Variants in TANC1 observed in about 807,000 individuals in gnomAD.
TANC1 encodes protein TANC1.
In TANC1, 77 loss-of-function variants were observed where a neutral mutation model predicts 149.7. That is an observed-to-expected ratio of 0.51 (90% CI 0.43 to 0.62). TANC1 has a LOEUF of 0.62. Among genes scored for constraint, TANC1 ranks in the 20% least tolerant of loss-of-function variants. The pLI is 0.00. For synonymous variants in TANC1, 854 were observed against 925.0 expected, an observed-to-expected ratio of 0.92 and a Z score of 1.39; for missense variants, 1,985 against 2,321.8, an observed-to-expected ratio of 0.85 and a Z score of 2.98.
intron 3 of TANC1, among the ~76,000 whole-genome samples, chr2:159,089,698 A>G (rs2045326436): frequency 6.6e-6 from 1 of 152,222 alleles, no homozygotes; most frequent in South Asian, 2.1e-4. Flanking sequence ...GAAGAGAAAC[A>G]GAAGGGTGGG....
At chr2:159,058,207 C>T (rs137920597) in intron 2 of TANC1, among the ~76,000 whole-genome samples, 26 of 152,336 alleles carry the variant, frequency 1.7e-4, no homozygotes, top group African/African-American at 6.0e-4. Flanking sequence ...GCACTTATCC[C>T]TTCTGTGTGC....
chr2:159,118,980 C>A (rs1462164622), intron 4 of TANC1, among the ~76,000 whole-genome samples: 2 of 152,176 alleles, frequency 1.3e-5, no homozygotes, highest in African/African-American at 4.8e-5. Flanking sequence ...TCTGTAGTTA[C>A]TTTGTTTGAC....
Position 159,230,414 on chromosome 2 carries a change from C to T in TANC1, c.4988C>T (p.Ser1663Leu), listed in dbSNP as rs1377324219. The T allele has an allele frequency of 2.5e-6, 4 of 1,614,188 alleles. No homozygotes were observed. Among genetic ancestry groups the T allele is most frequent in the Non-Finnish European group, 3.4e-6 (4 of 1,180,040 alleles). The change falls in exon 27 of 27, where the codon TCA becomes TTA. Residue 1663 changes from serine (S) to leucine (L), a missense_variant. By Grantham distance (145) the Ser-to-Leu change is moderately radical (BLOSUM62 -2). Around this residue, in one of 3 missense-constraint regions of TANC1, gnomAD observed 920 missense variants for 994.7 expected, o/e 0.92. Transcript: ENST00000263635. This position sits in a 1 kb window ranked among gnomAD's most constrained non-coding sequence, Gnocchi z 4.4. ...CGACACCCAGCTTCCCTCACCAGCT[C>T]AGGCTCTTCTGGTTCTCCATCCAGC... ...DVRHPASLTS[S>L]GSSGSPSSSI...
chr2:159,059,922 GT>G, intron 2 of TANC1, among the ~76,000 whole-genome samples: 1 of 127,306 alleles, frequency 7.9e-6, no homozygotes. Context: ...GTGTGTGTGT[GT>G]GTGTGTGGTT....
chr2:159,022,670 G>A (rs995475195), intron 2 of TANC1, among the ~76,000 whole-genome samples: 3 of 152,136 alleles, frequency 2.0e-5, no homozygotes, highest in Admixed American at 1.3e-4. Context: ...CCCAGGAGGT[G>A]AAGGTTGCAG....
chr2:159,120,653 G>A (rs893411276), intron 4 of TANC1, among the ~76,000 whole-genome samples: 3 of 151,958 alleles, frequency 2.0e-5, no homozygotes, highest in Admixed American at 6.6e-5. Flanking sequence ...TTCAGGATAG[G>A]GTGTGGTGGC....
intron 3 of TANC1, among the ~76,000 whole-genome samples, chr2:159,073,894 G>A (rs1014076824): frequency 6.6e-6 from 1 of 152,208 alleles, no homozygotes; most frequent in African/African-American, 2.4e-5. Context: ...GGATTCTGAA[G>A]TAGATTGGCT....
intron 2 of TANC1, among the ~76,000 whole-genome samples, chr2:159,010,530 G>A (rs2149373514): frequency 6.6e-6 from 1 of 152,224 alleles, no homozygotes; most frequent in African/African-American, 2.4e-5. Flanking sequence ...GGTGCGTCGG[G>A]GGAGGGCCTG....
At chr2:159,051,651 T>TTTTGTGTG (rs1553529064) in intron 2 of TANC1, among the ~76,000 whole-genome samples, 1 of 142,862 alleles carries the variant, frequency 7.0e-6, no homozygotes, top group Admixed American at 7.0e-5. Context: ...GAAGTGGTGT[T>TTTTGTGTG]TGTGTGTGTG....
intron 19 of TANC1, among the ~76,000 whole-genome samples, chr2:159,204,824 C>T (rs958573923): frequency 1.3e-5 from 2 of 152,238 alleles, no homozygotes; most frequent in Admixed American, 6.5e-5. Context: ...ATTGTCAAAG[C>T]TACTATTTGC....
In TANC1 at chr2:159,029,582, T is replaced by A. The variant is rs563173065; in HGVS notation, c.-16+28393T>A. ...TAACTAATGCCTTATAATTATTTTT[T>A]AGAGACAGTCTTGCTCTGTCAACCA... On this transcript the variant is annotated intron_variant, in intron 2 of 26. Transcript: ENST00000263635. Among the ~76,000 whole-genome samples the A allele has an allele frequency of 1.6e-4, 25 of 152,318 alleles. 1 individual carries two copies. Among genetic ancestry groups the A allele is most frequent in the African/African-American group, 6.0e-4 (25 of 41,572 alleles).
At chr2:159,023,591 C>G (rs1297445003) in intron 2 of TANC1, among the ~76,000 whole-genome samples, 1 of 152,084 alleles carries the variant, frequency 6.6e-6, no homozygotes, top group East Asian at 2.0e-4. Context: ...ATCCTCCCAC[C>G]TTGGCTTCCC....
At chr2:159,023,852 C>A (rs769741024) in intron 2 of TANC1, among the ~76,000 whole-genome samples, 1 of 151,894 alleles carries the variant, frequency 6.6e-6, no homozygotes, top group Non-Finnish European at 1.5e-5. Flanking sequence ...CCTGTAGTCC[C>A]AGCTACTCGA....
At chr2:159,221,451 C>T (rs2059702894) in intron 22 of TANC1, among the ~76,000 whole-genome samples, 1 of 152,094 alleles carries the variant, frequency 6.6e-6, no homozygotes, top group Admixed American at 6.5e-5. Context: ...AGTTACTCCT[C>T]CTGTCTAACT....
chr2:159,076,908 T>C (rs893683965), intron 3 of TANC1, among the ~76,000 whole-genome samples: 1 of 152,200 alleles, frequency 6.6e-6, no homozygotes, highest in African/African-American at 2.4e-5. Flanking sequence ...CTCTATGTTA[T>C]ATCTCTATAT....
intron 22 of TANC1, among the ~76,000 whole-genome samples, chr2:159,222,095 G>A (rs2059742719): frequency 1.3e-5 from 2 of 152,160 alleles, no homozygotes; most frequent in Admixed American, 6.5e-5. Flanking sequence ...TCAGTACCTT[G>A]TAAACTCTAC....
intron 4 of TANC1, among the ~76,000 whole-genome samples, chr2:159,099,491 A>G (rs564448818): frequency 6.6e-6 from 1 of 151,374 alleles, no homozygotes; most frequent in African/African-American, 2.4e-5. Flanking sequence ...TAGTGGGTAT[A>G]TTGACCAAAA....
chr2:159,229,849 C>G lies in TANC1; in HGVS notation c.4423C>G (p.Pro1475Ala). The G allele has an allele frequency of 1.2e-6, 2 of 1,614,160 alleles. No homozygotes were observed. Among genetic ancestry groups the G allele is most frequent in the Non-Finnish European group, 1.7e-6 (2 of 1,180,038 alleles). The change falls in exon 27 of 27, where the codon CCC (proline) becomes GCC (alanine). Residue 1475 changes from proline to alanine, a missense_variant. Around this residue, in one of 3 missense-constraint regions of TANC1, gnomAD observed 920 missense variants for 994.7 expected, o/e 0.92. Transcript: ENST00000263635. ...SPQEESVSPTPRSQPSSSVPS... is the reference protein window; with the variant it reads ...SPQEESVSPTARSQPSSSVPS... Reference sequence around the variant, plus strand: ...CCAGGAAGAATCTGTTTCCCCAACTCCCAGGTCCCAGCCATCCTCATCTGT... The same window carrying G: ...CCAGGAAGAATCTGTTTCCCCAACTGCCAGGTCCCAGCCATCCTCATCTGT...
chr2:159,128,402 GA>G (rs1423228374), intron 4 of TANC1, among the ~76,000 whole-genome samples: 1 of 152,222 alleles, frequency 6.6e-6, no homozygotes. Context: ...CCCTGGAGGA[GA>G]GCTGTCAGCA....
Sources: gnomAD v4.1 joint callset for allele counts (sites outside exome capture counted in the v4.1 genomes callset) on GRCh38, gnomAD v4.1.1 for gene constraint, gnomAD v4.1.1 regional missense constraint, Gnocchi (gnomAD v3.1) non-coding constraint, MANE v1.5 for transcripts, NCBI Gene and HGNC (gene_info 2026-07-23, HGNC 2026-07-21) for gene names.